The following INTS11 variants were observed in gnomAD, a reference collection of about 807,000 sequenced individuals.
INTS11 encodes the protein CPSF3-like protein.
In INTS11, 77 loss-of-function variants were observed where a neutral mutation model predicts 78.6. That is an observed-to-expected ratio of 0.98 (90% CI 0.81 to 1.18). The LOEUF (loss-of-function observed/expected upper bound fraction) is 1.18. Among genes scored for constraint, INTS11 ranks in the 50% most tolerant of loss-of-function variants. The pLI, the probability that INTS11 is intolerant of heterozygous loss-of-function variation, is 0.00. For missense variants in INTS11, 875 were observed against 825.9 expected, an observed-to-expected ratio of 1.06 and a Z score of -0.73; for synonymous variants, 441 against 326.9, an observed-to-expected ratio of 1.35 and a Z score of -3.77.
At chr1:1,323,381 C>T (rs1557645851) in intron 1 of INTS11, 4 of 1,384,852 alleles carry the variant, frequency 2.9e-6, no homozygotes, top group Admixed American at 2.3e-5. Context: ...TAATTTTTTC[C>T]TTCTTCACAT....
At position 1,313,836 on chromosome 1, in the gene INTS11, A is replaced by G. The variant is rs764053756; in HGVS notation, c.853T>C (p.Trp285Arg). 1.9e-6 allele frequency: 3 copies of G among 1,613,464 alleles called. No homozygotes were observed. The highest frequency in any genetic ancestry group is 1.7e-6 in the Non-Finnish European group (2 of 1,179,976). ...GTCTTGCGGATCTTCTGGTTGGTCC[A>G]GGGGATGAACAGCTTGTAGTAGTGG... is the stretch of plus-strand genomic sequence containing the variant. ...ANHYYKLFIP[W>R]TNQKIRKTFV... The change falls in exon 9 of 17, where the codon TGG (tryptophan) becomes CGG (arginine). Residue 285 changes from tryptophan to arginine, a missense_variant. Transcript: ENST00000435064.
intron 2 of INTS11, 72 bp from the exon 3 acceptor site, chr1:1,320,601 G>C: frequency 6.7e-7 from 1 of 1,501,358 alleles, no homozygotes; most frequent in East Asian, 2.3e-5. Context: ...CATGCCCCAG[G>C]GAGGGGCCCC....
Position 1,324,529 on chromosome 1 carries a change from C to G in INTS11, c.28+52G>C, listed in dbSNP as rs1029398919. Reference sequence around the variant, plus strand: ...GAGGGAGCGGGGCGCCCAGCCCGCCCGGAGCCGCATACGGAGCCCACCCCA... The same window carrying G: ...GAGGGAGCGGGGCGCCCAGCCCGCCGGGAGCCGCATACGGAGCCCACCCCA... On this transcript the variant is annotated intron_variant, in intron 1 of 16. Transcript: ENST00000435064. The G allele has an allele frequency of 2.6e-6, 4 of 1,558,428 alleles. No homozygotes were observed. In the African/African-American group the frequency reaches 5.7e-5, roughly 22 times the overall value.
rs1642457421 is a variant in INTS11 at position 1,314,551 on chromosome 1, G to GAGCC, written c.703-190_703-187dup. 1.6e-6 allele frequency: 1 copy of GAGCC among 640,886 alleles called. No homozygotes were observed. The highest frequency in any genetic ancestry group is 2.7e-6 in the Non-Finnish European group (1 of 373,344). The allele number at this position is 640,886 out of a possible 1,614,324, so 39.7% of individuals were successfully genotyped here. A position where few individuals can be genotyped will look rare whatever the true frequency, so the allele number is the denominator to read the frequency against. Reference sequence around the variant, plus strand: ...AGGGAGCCGTATGAGAGACAGGAGGGAGCCGCATGAGAGACAGAAGGGAGC... The same window carrying GAGCC: ...AGGGAGCCGTATGAGAGACAGGAGGGAGCCAGCCGCATGAGAGACAGAAGGGAGC... On this transcript the variant is annotated intron_variant, in intron 7 of 16. Coordinates refer to ENST00000435064, the MANE Select transcript of INTS11 (RefSeq NM_017871.6). The surrounding 1 kb of genome is among the most constrained non-coding windows in gnomAD (Gnocchi z 4.2).
intron 4 of INTS11, chr1:1,317,451 C>T (rs1354469276): frequency 6.2e-6 from 6 of 973,184 alleles, no homozygotes; most frequent in African/African-American, 3.5e-5. Flanking sequence ...CCATATGACA[C>T]ATAACCAGAA....
intron 1 of INTS11, chr1:1,322,971 G>C: frequency 7.3e-7 from 1 of 1,366,054 alleles, no homozygotes; most frequent in Non-Finnish European, 9.5e-7. Context: ...AGAAAGATCA[G>C]ATGTCCAGAG....
chr1:1,316,908 A>G (rs1443321720), intron 4 of INTS11: 2 of 151,842 alleles, frequency 1.3e-5, no homozygotes, highest in East Asian at 3.9e-4. Flanking sequence ...TGGGCGACAG[A>G]GCGAGACTGT....
In INTS11 at chr1:1,312,293, G is replaced by A. The variant is rs759883842; in HGVS notation, c.1540C>T (p.Arg514Cys). The A allele has an allele frequency of 3.1e-5, 48 of 1,550,404 alleles. No individual in the cohort carries two copies. The highest frequency in any genetic ancestry group is 5.9e-5 in the Admixed American group (3 of 51,014). The change falls in exon 15 of 17, where the codon CGC becomes TGC. Residue 514 changes from arginine (R) to cysteine (C), a missense_variant. Coordinates refer to ENST00000435064, the MANE Select transcript of INTS11 (RefSeq NM_017871.6). ...LAEHQLRFTC[R>C]VHLHDTRKEQ... Reference sequence around the variant, plus strand: ...TTGCGTGTGTCATGCAGGTGCACGCGGCAGGTGAAGCGCAGCTGGTGCTCA... The same window carrying A: ...TTGCGTGTGTCATGCAGGTGCACGCAGCAGGTGAAGCGCAGCTGGTGCTCA...
At chr1:1,319,800 G>C (rs958669224) in intron 3 of INTS11, 3 of 445,280 alleles carry the variant, frequency 6.7e-6, no homozygotes, top group East Asian at 4.1e-5. Flanking sequence ...CCGCGCATAG[G>C]GGAGCCGCTG....
At chr1:1,313,983 C>A in intron 8 of INTS11, 62 bp from the exon 9 acceptor site, 1 of 1,536,970 alleles carries the variant, frequency 6.5e-7, no homozygotes, top group South Asian at 1.2e-5. Flanking sequence ...GGGCAGGACT[C>A]GGCCGGGTCA....
chr1:1,321,164 G>C (rs1342241664), intron 1 of INTS11, 71 bp from the exon 2 acceptor site: 3 of 1,247,226 alleles, frequency 2.4e-6, no homozygotes. Context: ...AAGCTCTGCA[G>C]GACCCCAGTG....
At chr1:1,313,326 G>T in intron 10 of INTS11, 183 bp downstream of exon 10, 1 of 882,034 alleles carries the variant, frequency 1.1e-6, no homozygotes, top group Non-Finnish European at 1.8e-6. Context: ...TGCCCGAGGT[G>T]GACAAGCTGT....
rs372917620 is a variant in INTS11, at chr1:1,317,143, A to G, written c.430-1525T>C. On this transcript the variant is annotated intron_variant, in intron 4 of 16. Transcript: ENST00000435064. ...AGTGGCTCACTCTTGTAATCCCAGCACTCTGGGAGACCAAGGCGGGTGGAT... is the reference window on the plus strand; with the variant it reads ...AGTGGCTCACTCTTGTAATCCCAGCGCTCTGGGAGACCAAGGCGGGTGGAT... 7 of 151,954 alleles carry G rather than the reference A, an allele frequency of 4.6e-5. No homozygotes were observed. In the East Asian group the frequency reaches 1.4e-3, roughly 29 times the overall value. 9.4% of individuals were successfully genotyped at this position (151,954 alleles called of 1,614,324 possible).
intron 4 of INTS11, chr1:1,318,984 A>T (rs1033153703): frequency 2.8e-6 from 2 of 717,254 alleles, no homozygotes; most frequent in East Asian, 5.4e-5. Context: ...TGGCCGCTCC[A>T]AGCGCTCTGA....
intron 1 of INTS11, chr1:1,323,352 T>A (rs748699457): frequency 9.4e-5 from 141 of 1,495,962 alleles, no homozygotes; most frequent in Non-Finnish European, 1.2e-4. Flanking sequence ...CAGCTGTTTC[T>A]GAGACCCTGG....
chr1:1,315,420 G>C lies in INTS11; in HGVS notation c.547C>G (p.Pro183Ala). 2 of 1,613,290 alleles carry C rather than the reference G, an allele frequency of 1.2e-6. No individual in the cohort carries two copies. Among genetic ancestry groups the C allele is most frequent in the African/African-American group, 1.3e-5 (1 of 74,894 alleles). Residue 183 changes from proline to alanine, a missense_variant, in exon 6 of 17, where the codon CCA (proline) becomes GCA (alanine). Transcript: ENST00000435064. Reference sequence around the variant, plus strand: ...CCTACTTACCCTAAGTGTCGGTCTGGGGTCATGTTATAATCACCCTGGTGA... The same window carrying C: ...CCTACTTACCCTAAGTGTCGGTCTGCGGTCATGTTATAATCACCCTGGTGA... ...VVYTGDYNMT[P>A]DRHLGAAWID...
rs550341429 is a variant in INTS11 at position 1,320,873 on chromosome 1, G to A, written c.126+123C>T. The A allele has an allele frequency of 4.3e-5, 40 of 923,272 alleles. No individual in the cohort carries two copies. The Admixed American group carries it at 7.1e-4, about 16-fold the overall frequency. The allele number at this position is 923,272 out of a possible 1,614,324, so 57.2% of individuals were successfully genotyped here. A position where few individuals can be genotyped will look rare whatever the true frequency, so the allele number is the denominator to read the frequency against. ...GCCCACCCATCCCTGCTCCCCACAGGGTGCAGCCATCCAAGCACAACCACT... is the reference window on the plus strand; with the variant it reads ...GCCCACCCATCCCTGCTCCCCACAGAGTGCAGCCATCCAAGCACAACCACT... On this transcript the variant is annotated intron_variant, in intron 2 of 16. Transcript: ENST00000435064.
rs1642336651 is a variant in INTS11 at position 1,313,082 on chromosome 1, T to C, written c.1084A>G (p.Lys362Glu). The stretch of plus-strand genomic sequence containing the variant: ...AGCTTCCGCTGCCCGCTGAGGATCT[T>C]GTGGCCGACGGTGCCCTGCACGCAG... Reference protein sequence around the residue: ...GYCVQGTVGHKILSGQRKLEM... With the variant: ...GYCVQGTVGHEILSGQRKLEM... The change falls in exon 11 of 17, where the codon AAG becomes GAG. Residue 362 changes from lysine to glutamate, a missense_variant. Physicochemically the swap from Lys to Glu is moderately conservative, Grantham distance 56. Transcript: ENST00000435064. 6.2e-7 allele frequency: 1 copy of C among 1,609,644 alleles called. No homozygotes were observed. The highest frequency in any genetic ancestry group is 8.5e-7 in the Non-Finnish European group (1 of 1,179,866).
rs750468389 is a variant in INTS11 at position 1,313,712 on chromosome 1, G to A, written c.957+20C>T. On this transcript the variant is annotated intron_variant, in intron 9 of 16. Transcript: ENST00000435064. ...ACCGACGGGTGTGGATGTGCTGGCCGGCCCTGCCGCGGGCCTCACCATCGG... is the reference window on the plus strand; with the variant it reads ...ACCGACGGGTGTGGATGTGCTGGCCAGCCCTGCCGCGGGCCTCACCATCGG... 16 of 1,610,268 alleles carry A rather than the reference G, an allele frequency of 9.9e-6. No homozygotes were observed. Among genetic ancestry groups the A allele is most frequent in the African/African-American group, 4.0e-5 (3 of 74,900 alleles).
Sources: gnomAD v4.1 joint callset for allele counts on GRCh38, gnomAD v4.1.1 for gene constraint, Gnocchi (gnomAD v3.1) non-coding constraint, MANE v1.5 for transcripts, NCBI Gene and HGNC (gene_info 2026-07-23, HGNC 2026-07-21) for gene names.